Variants in ZNF536 observed in about 807,000 individuals in gnomAD.
ZNF536 encodes zinc finger protein 536.
A neutral mutation model predicts 84.5 loss-of-function variants in ZNF536; 13 were observed. The ratio of observed to expected loss-of-function variants is 0.15; its 90% CI spans 0.10 to 0.24. The LOEUF is 0.24. Ranked by LOEUF, ZNF536 falls within the 10% of genes least tolerant of loss-of-function variation. ZNF536 has a pLI of 1.00. For synonymous variants in ZNF536, 811 were observed against 742.5 expected (o/e 1.09, Z -1.50); for missense variants, 1,536 against 1,747.5 (o/e 0.88, Z 2.16).
chr19:30,266,117 C>T (rs1280541741), intron 1 of ZNF536, among the ~76,000 whole-genome samples: 2 of 152,212 alleles, frequency 1.3e-5, no homozygotes, highest in Non-Finnish European at 2.9e-5. Flanking sequence ...GGCACAATCA[C>T]AGCTCACTGC....
chr19:30,245,639 T>G lies in ZNF536; in HGVS notation c.-190+16966T>G, dbSNP rs188397476. ...CCAGCCCACCACGAGGTCGCCGTGA[T>G]GGAAGTGCAGAAAGAAGGTTGTCTC... On this transcript the variant is annotated intron_variant, in intron 1 of 5. Transcript: ENST00000585628. 2.0e-5 allele frequency among the ~76,000 whole-genome samples: 3 copies of G among 152,320 alleles called. No individual in the cohort carries two copies. The East Asian group carries it at 5.8e-4, about 29-fold the overall frequency.
chr19:30,655,266 G>A (rs925495023), intron 1 of ZNF536, among the ~76,000 whole-genome samples: 1 of 152,236 alleles, frequency 6.6e-6, no homozygotes, highest in South Asian at 2.1e-4. Flanking sequence ...GGGTAGCCGG[G>A]TGACTGCAAG....
chr19:30,598,973 T>TTCC (rs2047567683), intron 1 of ZNF536, among the ~76,000 whole-genome samples: 2 of 66,066 alleles, frequency 3.0e-5, no homozygotes, highest in East Asian at 4.1e-4. Context: ...CCTTCCCTCC[T>TTCC]TCCCTCCCTC....
At chr19:30,406,339 T>A (rs1400199512) in intron 1 of ZNF536, among the ~76,000 whole-genome samples, 1 of 151,732 alleles carries the variant, frequency 6.6e-6, no homozygotes, top group Non-Finnish European at 1.5e-5. Context: ...TAGGAAAGGA[T>A]CAGGAGCAGG....
intron 2 of ZNF536, among the ~76,000 whole-genome samples, chr19:30,501,904 A>C (rs1026128802): frequency 2.0e-5 from 3 of 152,248 alleles, no homozygotes; most frequent in Non-Finnish European, 4.4e-5. Flanking sequence ...ATAATGGAAC[A>C]CTAGGCATAA....
intron 1 of ZNF536, among the ~76,000 whole-genome samples, chr19:30,231,445 A>G (rs533712529): frequency 9.7e-4 from 147 of 152,300 alleles, no homozygotes; most frequent in Middle Eastern, 3.4e-3. Context: ...CTGAACTCAC[A>G]CCTGCTGTGC....
intron 2 of ZNF536, among the ~76,000 whole-genome samples, chr19:30,474,537 C>A (rs1039648987): frequency 1.6e-4 from 25 of 152,260 alleles, no homozygotes; most frequent in African/African-American, 5.8e-4. Flanking sequence ...TGTGAACTCC[C>A]CCAACCCCTC....
At chr19:30,409,627 G>T (rs1485014918) in intron 1 of ZNF536, among the ~76,000 whole-genome samples, 2 of 152,240 alleles carry the variant, frequency 1.3e-5, no homozygotes, top group African/African-American at 2.4e-5. Flanking sequence ...CACATTTAAA[G>T]ATTTGAATAC....
intron 2 of ZNF536, among the ~76,000 whole-genome samples, chr19:30,453,700 T>C (rs2052709890): frequency 6.6e-6 from 1 of 152,178 alleles, no homozygotes; most frequent in Admixed American, 6.5e-5. Flanking sequence ...CCCAAAACAA[T>C]GCGTGTCTGA....
At chr19:30,420,634 A>G (rs945323356) in intron 1 of ZNF536, among the ~76,000 whole-genome samples, 4 of 152,132 alleles carry the variant, frequency 2.6e-5, no homozygotes, top group Non-Finnish European at 4.4e-5. Context: ...GAAAAACAAA[A>G]TCTTTTTACA....
chr19:30,503,523 T>C (rs2055035115), intron 2 of ZNF536, among the ~76,000 whole-genome samples: 1 of 152,248 alleles, frequency 6.6e-6, no homozygotes, highest in South Asian at 2.1e-4. Context: ...AGAGTATGAT[T>C]TCATTTACGG....
intron 1 of ZNF536, among the ~76,000 whole-genome samples, chr19:30,278,969 C>G (rs1174526890): frequency 6.6e-6 from 1 of 152,182 alleles, no homozygotes; most frequent in Non-Finnish European, 1.5e-5. Context: ...CTATCTTCAT[C>G]CATTCTCCCA....
rs773061515 is a variant in ZNF536 at position 30,518,728 on chromosome 19, C to G, written c.2171-16119C>G. 2.2e-4 allele frequency among the ~76,000 whole-genome samples: 34 copies of G among 152,210 alleles called. 1 individual carries two copies. Among genetic ancestry groups the G allele is most frequent in the Non-Finnish European group, 4.3e-4 (29 of 68,034 alleles). ...GATGTTGCCTTTTATTCAGTAAGTG[C>G]CTACTATGTGCTGGGCACCTAGCTA... On this transcript the variant is annotated intron_variant, in intron 2 of 4. Transcript: ENST00000355537.
At chr19:30,345,700 T>C (rs2047719039) in intron 2 of ZNF536, among the ~76,000 whole-genome samples, 2 of 152,208 alleles carry the variant, frequency 1.3e-5, no homozygotes, top group Admixed American at 1.3e-4. Flanking sequence ...GCAGAGAGTC[T>C]CGGATGCTTA....
chr19:30,700,242 C>CTTTCTTTCTTTCTTTCTT (rs57308094), intron 1 of ZNF536, among the ~76,000 whole-genome samples: 6 of 104,308 alleles, frequency 5.8e-5, no homozygotes, highest in African/African-American at 7.8e-5. Context: ...CTTTCTTTCT[C>CTTTCTTTCTTTCTTTCTT]TCTCTCTCTC....
intron 3 of ZNF536, among the ~76,000 whole-genome samples, chr19:30,358,698 C>T (rs1190829937): frequency 1.3e-5 from 2 of 152,204 alleles, no homozygotes; most frequent in East Asian, 3.8e-4. Flanking sequence ...TGCCAATACT[C>T]GGGATGCAAT....
intron 2 of ZNF536, among the ~76,000 whole-genome samples, chr19:30,486,617 A>C (rs1308748997): frequency 1.3e-5 from 2 of 152,214 alleles, no homozygotes; most frequent in African/African-American, 4.8e-5. Flanking sequence ...GTATATACCT[A>C]GTAATGAGAT....
At chr19:30,357,547 G>A (rs1026851645) in intron 3 of ZNF536, among the ~76,000 whole-genome samples, 9 of 152,192 alleles carry the variant, frequency 5.9e-5, no homozygotes, top group African/African-American at 2.2e-4. Flanking sequence ...GAGTGGCTTG[G>A]ATTGGCTCTT....
chr19:30,635,539 T>C (rs937560938), intron 1 of ZNF536, among the ~76,000 whole-genome samples: 5 of 152,098 alleles, frequency 3.3e-5, no homozygotes, highest in Non-Finnish European at 7.4e-5. Context: ...TCCCAGGCAC[T>C]CTGGCCAGGA....
Sources: allele counts gnomAD v4.1 joint callset (sites outside exome capture counted in the v4.1 genomes callset), GRCh38; gene constraint gnomAD v4.1.1; transcripts MANE v1.5; gene names NCBI Gene and HGNC (gene_info 2026-07-23, HGNC 2026-07-21).